SH2D4B: variants seen among roughly 807,000 people sequenced by gnomAD.
SH2D4B encodes SH2 domain containing 4B.
SH2D4B carries 45 observed loss-of-function variants against 61.5 expected under a neutral mutation model. That is an observed-to-expected ratio of 0.73 (90% confidence interval 0.58 to 0.94). SH2D4B has a LOEUF of 0.94. Among genes scored for constraint, SH2D4B ranks in the 40% least tolerant of loss-of-function variants. SH2D4B has a pLI of 0.00. For missense variants in SH2D4B, 572 were observed against 574.2 expected, an observed-to-expected ratio of 1.00 and a Z score of 0.04; for synonymous variants, 224 against 220.4, an observed-to-expected ratio of 1.02 and a Z score of -0.14.
chr10:80,538,471 C>G lies in SH2D4B; in HGVS notation c.140C>G (p.Ala47Gly). ...TGGAAGGAGCGGGAGACTTGGGAGG[C>G]CCTGGCCCAGGACGAGGGTCTCAGG... ...RRWKERETWE[A>G]LAQDEGLRPP... Residue 47 changes from alanine (A) to glycine (G), a missense_variant, in exon 1 of 8, where the codon GCC becomes GGC. By Grantham distance (60) the Ala-to-Gly change is moderately conservative (BLOSUM62 0). Transcript: ENST00000646907. This position sits in a 1 kb window ranked among gnomAD's most constrained non-coding sequence, Gnocchi z 4.8. 6.8e-7 allele frequency: 1 copy of G among 1,465,232 alleles called. No individual in the cohort carries two copies. Among genetic ancestry groups the G allele is most frequent in the Non-Finnish European group, 9.0e-7 (1 of 1,108,134 alleles). The allele number at this position is 1,465,232 out of a possible 1,614,324, so 90.8% of individuals were successfully genotyped here.
At chr10:80,621,621 T>C (rs1415926335) in intron 6 of SH2D4B, among the ~76,000 whole-genome samples, 2 of 152,204 alleles carry the variant, frequency 1.3e-5, no homozygotes, top group Non-Finnish European at 2.9e-5. Flanking sequence ...GTCGTCTGGG[T>C]ATAGGGAGAG....
chr10:80,629,631 G>A (rs1262401507), intron 6 of SH2D4B, among the ~76,000 whole-genome samples: 1 of 152,132 alleles, frequency 6.6e-6, no homozygotes, highest in African/African-American at 2.4e-5. Context: ...CCAGCACCAG[G>A]CAGTTTGCAG....
chr10:80,632,905 T>G lies in SH2D4B; in HGVS notation c.989-1380T>G, dbSNP rs114865243. Among the ~76,000 whole-genome samples, 1,404 of 151,754 alleles carry G rather than the reference T, an allele frequency of 9.3e-3. 19 individuals are homozygous for G. Among genetic ancestry groups the G allele is most frequent in the African/African-American group, 0.033 (1,349 of 41,384 alleles). ...TGTCTTACTCTTCTTCCTTTTCTGC[T>G]TGTAGAGCTTGGCTGGGGAGGGGTG... On this transcript the variant is annotated intron_variant, in intron 6 of 7. Transcript: ENST00000646907.
intron 3 of SH2D4B, among the ~76,000 whole-genome samples, chr10:80,573,382 T>C (rs1842086885): frequency 7.6e-6 from 1 of 132,202 alleles, no homozygotes; most frequent in South Asian, 2.1e-4. Flanking sequence ...TGGCTAAATC[T>C]ATCAGTCTAT....
At chr10:80,598,584 T>C (rs942358027) in intron 4 of SH2D4B, among the ~76,000 whole-genome samples, 1 of 152,216 alleles carries the variant, frequency 6.6e-6, no homozygotes, top group African/African-American at 2.4e-5. Context: ...AGTGGGCCAT[T>C]AATCTATGGG....
intron 6 of SH2D4B, among the ~76,000 whole-genome samples, chr10:80,626,260 A>G (rs7923797): frequency 0.032 from 4,855 of 152,186 alleles, 282 homozygotes; most frequent in African/African-American, 0.11. Context: ...CTTGAAAGGT[A>G]GTTTCGTTAA....
At chr10:80,632,231 C>T (rs965319901) in intron 6 of SH2D4B, among the ~76,000 whole-genome samples, 1 of 152,022 alleles carries the variant, frequency 6.6e-6, no homozygotes, top group East Asian at 1.9e-4. Context: ...GCTGAGATTA[C>T]AGGTCTGAGC....
chr10:80,642,108 T>A (rs564801006), intron 7 of SH2D4B, among the ~76,000 whole-genome samples: 1 of 152,216 alleles, frequency 6.6e-6, no homozygotes, highest in African/African-American at 2.4e-5. Flanking sequence ...GTAGTCTTTT[T>A]TGAGACAAGG....
At chr10:80,590,503 G>A (rs965916980) in intron 4 of SH2D4B, among the ~76,000 whole-genome samples, 3 of 152,112 alleles carry the variant, frequency 2.0e-5, no homozygotes, top group Admixed American at 6.5e-5. Context: ...ATTAATACAC[G>A]TGGACAGTGG....
chr10:80,555,450 T>G (rs1030550972), intron 1 of SH2D4B, among the ~76,000 whole-genome samples: 3 of 152,188 alleles, frequency 2.0e-5, no homozygotes, highest in African/African-American at 7.2e-5. Context: ...AGCCCCCTAA[T>G]GCTGTCCAGG....
intron 6 of SH2D4B, among the ~76,000 whole-genome samples, chr10:80,612,771 T>C (rs943768664): frequency 3.3e-5 from 5 of 152,242 alleles, no homozygotes; most frequent in Admixed American, 2.6e-4. Flanking sequence ...AGATTTCATA[T>C]GCAGGTTAAA....
chr10:80,570,864 A>C (rs949531436), intron 2 of SH2D4B, among the ~76,000 whole-genome samples: 1 of 151,758 alleles, frequency 6.6e-6, no homozygotes. Context: ...TTATGAATTT[A>C]TTTATTTATC....
chr10:80,641,593 C>T (rs992411695), intron 7 of SH2D4B, among the ~76,000 whole-genome samples: 2 of 152,258 alleles, frequency 1.3e-5, no homozygotes, highest in African/African-American at 4.8e-5. Flanking sequence ...AAGCCTCAGG[C>T]TGTTTGCCTC....
intron 1 of SH2D4B, among the ~76,000 whole-genome samples, chr10:80,544,355 C>T (rs1841636245): frequency 6.6e-6 from 1 of 152,302 alleles, no homozygotes; most frequent in Middle Eastern, 3.4e-3. Flanking sequence ...TCAGAAGGAA[C>T]AAACTCCGGA....
In SH2D4B at chr10:80,571,432, A is replaced by C; in HGVS notation, c.349A>C (p.Arg117=). Residue 117 remains arginine, a splice_region_variant and synonymous_variant, in exon 3 of 8, where the codon AGA becomes CGA. Coordinates refer to ENST00000646907, the MANE Select transcript of SH2D4B (RefSeq NM_001388272.1). ...ATACCTGTGGTGCTCTCTTGGTAGG[A>C]GACAGAAGGAGGCAGAGATCACCAA... ...QAQREAEELW[R]QKEAEITKKF... 6.2e-7 allele frequency: 1 copy of C among 1,613,852 alleles called. No individual in the cohort carries two copies. Among genetic ancestry groups the C allele is most frequent in the Non-Finnish European group, 8.5e-7 (1 of 1,179,782 alleles).
chr10:80,568,163 C>T (rs1841995127), intron 1 of SH2D4B, among the ~76,000 whole-genome samples: 1 of 151,650 alleles, frequency 6.6e-6, no homozygotes, highest in African/African-American at 2.4e-5. Context: ...TGAGAGATCA[C>T]GTTCTTAATG....
At chr10:80,546,311 G>A (rs1037246575) in intron 1 of SH2D4B, among the ~76,000 whole-genome samples, 2 of 152,026 alleles carry the variant, frequency 1.3e-5, no homozygotes, top group African/African-American at 2.4e-5. Flanking sequence ...GCCTCCTAAA[G>A]TGCTGGGATT....
intron 3 of SH2D4B, among the ~76,000 whole-genome samples, chr10:80,572,986 A>ATATATATATTTATT (rs1564772012): frequency 1.1e-4 from 1 of 8,874 alleles, no homozygotes; most frequent in African/African-American, 3.7e-4. Flanking sequence ...ATATATATAT[A>ATATATATATTTATT]TTTTTTTTTT....
At chr10:80,579,933 C>A (rs1430823006) in intron 3 of SH2D4B, among the ~76,000 whole-genome samples, 1 of 152,158 alleles carries the variant, frequency 6.6e-6, no homozygotes, top group Non-Finnish European at 1.5e-5. Context: ...CATCACAAAC[C>A]CTGTCTTCTC....
Sources: allele counts gnomAD v4.1 joint callset (sites outside exome capture counted in the v4.1 genomes callset), GRCh38; gene constraint gnomAD v4.1.1; non-coding constraint Gnocchi (gnomAD v3.1); transcripts MANE v1.5; gene names NCBI Gene and HGNC (gene_info 2026-07-23, HGNC 2026-07-21).